Variants in GRAP2 observed in about 807,000 individuals in gnomAD.
GRAP2 encodes GRB2 related adaptor protein 2.
A neutral mutation model predicts 43.5 loss-of-function variants in GRAP2; 31 were observed. That is an observed-to-expected ratio of 0.71 (90% CI 0.54 to 0.96). The LOEUF (loss-of-function observed/expected upper bound fraction) is 0.96, where lower values mean the gene tolerates loss of function less well. Ranked by LOEUF, GRAP2 falls within the 40% of genes least tolerant of loss-of-function variation. The pLI, the probability that GRAP2 is intolerant of heterozygous loss-of-function variation, is 0.00. For synonymous variants in GRAP2, 156 were observed against 164.8 expected, an observed-to-expected ratio of 0.95 and a Z score of 0.41; for missense variants, 371 against 424.4, an observed-to-expected ratio of 0.87 and a Z score of 1.11.
At chr22:39,944,791 T>C (rs900675393) in intron 1 of GRAP2, among the ~76,000 whole-genome samples, 1 of 152,254 alleles carries the variant, frequency 6.6e-6, no homozygotes, top group Non-Finnish European at 1.5e-5. Context: ...CAAGGTCTTA[T>C]CTAGAGCTTG....
At chr22:39,894,951 G>C in the GRAP2 span, among the ~76,000 whole-genome samples, 9 of 152,192 alleles carry the variant, frequency 5.9e-5, no homozygotes, top group Non-Finnish European at 1.3e-4. Context: ...GAGTTCACTG[G>C]ATAGACAAAG....
At chr22:39,951,821 C>A (rs1335165522) in intron 2 of GRAP2, among the ~76,000 whole-genome samples, 1 of 151,886 alleles carries the variant, frequency 6.6e-6, no homozygotes, top group Non-Finnish European at 1.5e-5. Flanking sequence ...TAAAAAAAAA[C>A]CTCACCTTCT....
intron 1 of GRAP2, among the ~76,000 whole-genome samples, chr22:39,912,281 A>G (rs77490930): frequency 0.023 from 3,551 of 152,272 alleles, 116 homozygotes; most frequent in South Asian, 0.14. Flanking sequence ...TTAGCCAGGG[A>G]TGGTGATGCA....
At chr22:39,907,301 A>AT (rs1247311188) in intron 1 of GRAP2, among the ~76,000 whole-genome samples, 3 of 152,202 alleles carry the variant, frequency 2.0e-5, no homozygotes, top group African/African-American at 7.2e-5. Context: ...GGGAAAAAAA[A>AT]CCAACGATGC....
At position 39,969,420 on chromosome 22, in the gene GRAP2, G is replaced by A; in HGVS notation, c.700G>A (p.Gly234Arg). The change falls in exon 7 of 8, where the codon GGA becomes AGA. Residue 234 changes from glycine (G) to arginine (R), a missense_variant. Physicochemically the swap from Gly to Arg is moderately radical, Grantham distance 125 (BLOSUM62 -2). Transcript: ENST00000344138. Reference sequence around the variant, plus strand: ...TGTTGTATGTTTCTAGGAACGCCGAGGAGGCAGCCTTGACATAAATGATGG... The same window carrying A: ...TGTTGTATGTTTCTAGGAACGCCGAAGAGGCAGCCTTGACATAAATGATGG... ...QHHHFHQERR[G>R]GSLDINDGHC... The A allele has an allele frequency of 6.2e-7, 1 of 1,613,942 alleles. No individual in the cohort carries two copies.
chr22:39,903,043 C>T (rs902798866), intron 1 of GRAP2, among the ~76,000 whole-genome samples: 1 of 152,132 alleles, frequency 6.6e-6, no homozygotes, highest in African/African-American at 2.4e-5. Flanking sequence ...ATAATAACAC[C>T]CACTGGTGTT....
At chr22:39,942,229 C>T (rs1252577905) in intron 1 of GRAP2, among the ~76,000 whole-genome samples, 1 of 152,040 alleles carries the variant, frequency 6.6e-6, no homozygotes, top group East Asian at 1.9e-4. Flanking sequence ...TATAAGGTTT[C>T]CTACTTCTGA....
chr22:39,965,915 C>G, intron 4 of GRAP2, 75 bp from the exon 5 acceptor site: 4 of 1,209,378 alleles, frequency 3.3e-6, no homozygotes, highest in Non-Finnish European at 4.9e-6. Flanking sequence ...ACTCCACCAT[C>G]CCAGATGTGA....
At chr22:39,938,433 T>C (rs1236904750) in intron 1 of GRAP2, among the ~76,000 whole-genome samples, 1 of 152,254 alleles carries the variant, frequency 6.6e-6, no homozygotes, top group African/African-American at 2.4e-5. Context: ...ACGGGGGAGA[T>C]TGTTCCCATT....
chr22:39,952,781 G>A (rs954624831), intron 2 of GRAP2, among the ~76,000 whole-genome samples: 1 of 152,174 alleles, frequency 6.6e-6, no homozygotes, highest in African/African-American at 2.4e-5. Context: ...AGAGCTGGAG[G>A]CCTCCCTCAT....
At chr22:39,941,333 G>A (rs962689248) in intron 1 of GRAP2, among the ~76,000 whole-genome samples, 4 of 152,100 alleles carry the variant, frequency 2.6e-5, no homozygotes, top group African/African-American at 7.2e-5. Flanking sequence ...CCCATCCCAC[G>A]GATGTGGAAA....
intron 2 of GRAP2, among the ~76,000 whole-genome samples, chr22:39,948,650 C>T (rs2145639326): frequency 6.6e-6 from 1 of 152,326 alleles, no homozygotes; most frequent in East Asian, 1.9e-4. Context: ...TCACTTCCCA[C>T]TCATTCCACA....
At chr22:39,918,824 A>G (rs1428231278) in intron 1 of GRAP2, among the ~76,000 whole-genome samples, 1 of 152,232 alleles carries the variant, frequency 6.6e-6, no homozygotes, top group Non-Finnish European at 1.5e-5. Context: ...TTTAGTACCT[A>G]CTATGCACAA....
chr22:39,896,639 A>G (rs374561674), upstream of GRAP2, among the ~76,000 whole-genome samples: 10 of 152,226 alleles, frequency 6.6e-5, no homozygotes, highest in South Asian at 1.0e-3. Flanking sequence ...GAAGTAGGAG[A>G]CAGGGTAAGA....
chr22:39,948,174 C>T (rs1273139326), intron 2 of GRAP2: 1 of 152,178 alleles, frequency 6.6e-6, no homozygotes, highest in Non-Finnish European at 1.5e-5. Context: ...CAAAACACCA[C>T]AGAATGGCTT....
chr22:39,959,491 C>G (rs1376655028), intron 3 of GRAP2, among the ~76,000 whole-genome samples: 1 of 152,160 alleles, frequency 6.6e-6, no homozygotes. Context: ...GCTAGGCACA[C>G]TGAGCAAAGC....
intron 1 of GRAP2, among the ~76,000 whole-genome samples, chr22:39,929,056 T>C (rs2066731589): frequency 6.6e-6 from 1 of 152,234 alleles, no homozygotes; most frequent in Admixed American, 6.5e-5. Context: ...GAACATTACA[T>C]CTCACAGATT....
intron 1 of GRAP2, among the ~76,000 whole-genome samples, chr22:39,931,654 G>A (rs536783038): frequency 5.3e-5 from 8 of 152,248 alleles, no homozygotes; most frequent in South Asian, 2.1e-4. Context: ...AAAATTTGAC[G>A]AGTTATAGGC....
Position 39,964,286 on chromosome 22 carries a change from A to G in GRAP2, c.291-1704A>G, listed in dbSNP as rs573586929. ...AGCCCTGGTTCGAATGTGTCCCATCACTTGTGAGTCCAGACTGGCAACAAA... is the reference window on the plus strand; with the variant it reads ...AGCCCTGGTTCGAATGTGTCCCATCGCTTGTGAGTCCAGACTGGCAACAAA... On this transcript the variant is annotated intron_variant, in intron 4 of 7. Transcript: ENST00000344138. 5 of 650,562 alleles carry G rather than the reference A, an allele frequency of 7.7e-6. No homozygotes were observed. In the East Asian group the frequency reaches 1.4e-4, roughly 18 times the overall value. 40.3% of individuals were successfully genotyped at this position (650,562 alleles called of 1,614,324 possible). A position where few individuals can be genotyped will look rare whatever the true frequency, so the allele number is the denominator to read the frequency against.
Sources: allele counts gnomAD v4.1 joint callset (sites outside exome capture counted in the v4.1 genomes callset), GRCh38; gene constraint gnomAD v4.1.1; transcripts MANE v1.5; gene names NCBI Gene and HGNC (gene_info 2026-07-23, HGNC 2026-07-21).